Variants in SEMA6D observed in about 807,000 individuals in gnomAD.
The protein encoded by SEMA6D is semaphorin 6D, also known as semaphorin-6D.
Under a neutral mutation model 106.6 loss-of-function variants are expected in SEMA6D, and 35 were observed. The ratio of observed to expected loss-of-function variants is 0.33; its 90% CI spans 0.25 to 0.44. The LOEUF (loss-of-function observed/expected upper bound fraction) is 0.44, where lower values mean the gene tolerates loss of function less well. SEMA6D is among the 20% of genes least tolerant of loss of function. The probability of loss-of-function intolerance (pLI) is 1.00; values close to 1 mark genes in which losing one functional copy is unlikely to be tolerated. For synonymous variants in SEMA6D, 499 were observed against 487.7 expected (o/e 1.02, Z -0.31); for missense variants, 1,185 against 1,345.9 (o/e 0.88, Z 1.87).
intron 3 of SEMA6D, among the ~76,000 whole-genome samples, chr15:47,559,674 T>C (rs2046020297): frequency 6.6e-6 from 1 of 152,064 alleles, no homozygotes; most frequent in African/African-American, 2.4e-5. Context: ...AGTCCACATA[T>C]TCTGAATTGA....
At chr15:47,545,281 A>G (rs1243852784) in intron 3 of SEMA6D, among the ~76,000 whole-genome samples, 1 of 152,156 alleles carries the variant, frequency 6.6e-6, no homozygotes, top group Non-Finnish European at 1.5e-5. Context: ...AGGTAAATTA[A>G]AGTAGGCTGC....
rs140152881 is a variant in SEMA6D at position 47,341,868 on chromosome 15, C to T, written c.-238-70525C>T. ...AATAGTGAGCTCATTTTTAGTTTGCCTCCCACCCCTTTCCCTCCTTTCACC... is the reference window on the plus strand; with the variant it reads ...AATAGTGAGCTCATTTTTAGTTTGCTTCCCACCCCTTTCCCTCCTTTCACC... On this transcript the variant is annotated intron_variant, in intron 1 of 19. Transcript: ENST00000558014. Among the ~76,000 whole-genome samples the T allele has an allele frequency of 1.3e-3, 200 of 152,090 alleles. 2 individuals carry two copies. The highest frequency in any genetic ancestry group is 4.6e-3 in the African/African-American group (192 of 41,510).
At chr15:47,584,096 T>C (rs138980967) in intron 3 of SEMA6D, among the ~76,000 whole-genome samples, 3 of 152,322 alleles carry the variant, frequency 2.0e-5, no homozygotes, top group African/African-American at 7.2e-5. Flanking sequence ...CCACATGTGA[T>C]GCATGTTTGC....
At chr15:47,765,200 T>C (rs2082274458) in intron 13 of SEMA6D, 144 bp downstream of exon 13, 1 of 1,425,850 alleles carries the variant, frequency 7.0e-7, no homozygotes, top group African/African-American at 1.4e-5. Flanking sequence ...TTGAAATAAA[T>C]CTTGGGTTTG....
intron 3 of SEMA6D, among the ~76,000 whole-genome samples, chr15:47,517,498 T>C (rs2044426884): frequency 6.6e-6 from 1 of 152,162 alleles, no homozygotes; most frequent in Non-Finnish European, 1.5e-5. Context: ...TCAAGCTTCC[T>C]TTTTCATTTT....
chr15:47,218,135 T>G (rs553165415), intron 1 of SEMA6D, among the ~76,000 whole-genome samples: 6 of 152,294 alleles, frequency 3.9e-5, no homozygotes, highest in African/African-American at 1.4e-4. Flanking sequence ...TGTTATTGTT[T>G]GTTTTCATTG....
At chr15:47,592,063 A>G (rs891492880) in intron 3 of SEMA6D, among the ~76,000 whole-genome samples, 1 of 152,100 alleles carries the variant, frequency 6.6e-6, no homozygotes, top group Non-Finnish European at 1.5e-5. Context: ...TGGCATTCTT[A>G]TTGACATTTC....
intron 1 of SEMA6D, among the ~76,000 whole-genome samples, chr15:47,326,138 G>A (rs1217886913): frequency 6.6e-6 from 1 of 152,120 alleles, no homozygotes; most frequent in Admixed American, 6.5e-5. Flanking sequence ...CCATTACCGA[G>A]ACGGATTCTC....
intron 4 of SEMA6D, among the ~76,000 whole-genome samples, chr15:47,665,194 A>T (rs192696851): frequency 6.6e-6 from 1 of 152,320 alleles, no homozygotes; most frequent in Non-Finnish European, 1.5e-5. Context: ...GCTTGATATT[A>T]TCAGCCCTTG....
At chr15:47,232,356 T>TA (rs1478275188) in intron 1 of SEMA6D, among the ~76,000 whole-genome samples, 1 of 151,994 alleles carries the variant, frequency 6.6e-6, no homozygotes, top group Admixed American at 6.6e-5. Context: ...GGTTTTTATA[T>TA]ACCTGGGAGT....
chr15:47,718,809 C>T (rs889322443), intron 1 of SEMA6D: 2 of 152,248 alleles, frequency 1.3e-5, no homozygotes, highest in Non-Finnish European at 2.9e-5. Context: ...GAGAGGCGTT[C>T]TGCAGCCGGG....
At chr15:47,196,897 G>T (rs1894399857) in intron 1 of SEMA6D, among the ~76,000 whole-genome samples, 1 of 152,214 alleles carries the variant, frequency 6.6e-6, no homozygotes, top group East Asian at 1.9e-4. Flanking sequence ...GTCAGGTTGG[G>T]TTTGTGTGGC....
intron 1 of SEMA6D, among the ~76,000 whole-genome samples, chr15:47,222,463 A>T (rs1247143271): frequency 6.6e-6 from 1 of 152,152 alleles, no homozygotes; most frequent in Non-Finnish European, 1.5e-5. Context: ...CCCCTGGATA[A>T]AATTGTCTCC....
rs539613282 is a variant in SEMA6D, at chr15:47,663,880, A to G, written c.-55+62984A>G. ...GAGATGCAGAAGTTCAGCCCTAGAA[A>G]TGTAAAGTGGTTGCCCGTGGACACT... On this transcript the variant is annotated intron_variant, in intron 4 of 19. Coordinates refer to the SEMA6D transcript ENST00000558014. 3.3e-5 allele frequency among the ~76,000 whole-genome samples: 5 copies of G among 152,294 alleles called. No individual in the cohort carries two copies. In the South Asian group the frequency reaches 1.0e-3, roughly 32 times the overall value.
chr15:47,357,575 C>T (rs965889781), intron 1 of SEMA6D, among the ~76,000 whole-genome samples: 2 of 152,072 alleles, frequency 1.3e-5, no homozygotes, highest in Non-Finnish European at 2.9e-5. Context: ...CAGGAAACAT[C>T]CAGCACGGGA....
At chr15:47,517,758 C>T (rs751813518) in intron 3 of SEMA6D, among the ~76,000 whole-genome samples, 7 of 152,104 alleles carry the variant, frequency 4.6e-5, no homozygotes, top group Non-Finnish European at 7.3e-5. Context: ...GTTTCTGGGT[C>T]CTCACTCTGA....
chr15:47,418,007 G>A lies in SEMA6D; in HGVS notation c.-159+5535G>A, dbSNP rs1353976277. Among the ~76,000 whole-genome samples, 3 of 151,868 alleles carry A rather than the reference G, an allele frequency of 2.0e-5. No homozygotes were observed. In the East Asian group the frequency reaches 5.8e-4, roughly 29 times the overall value. On this transcript the variant is annotated intron_variant, in intron 2 of 19. Transcript: ENST00000558014. ...CATGGATAAATATATCTAAAATATA[G>A]CATTTATATATTTTATATGCCCATA... is the stretch of plus-strand genomic sequence containing the variant.
At chr15:47,328,728 C>T (rs1007196309) in intron 1 of SEMA6D, among the ~76,000 whole-genome samples, 1 of 152,194 alleles carries the variant, frequency 6.6e-6, no homozygotes, top group African/African-American at 2.4e-5. Context: ...CCAGTAGCCT[C>T]TTCATCCAAG....
At chr15:47,235,668 A>G (rs563716452) in intron 1 of SEMA6D, among the ~76,000 whole-genome samples, 22 of 152,084 alleles carry the variant, frequency 1.4e-4, no homozygotes, top group Non-Finnish European at 2.1e-4. Context: ...ATTCTGTTCC[A>G]TTGATCTATG....
Sources: gnomAD v4.1 joint callset for allele counts (sites outside exome capture counted in the v4.1 genomes callset) on GRCh38, gnomAD v4.1.1 for gene constraint, MANE v1.5 for transcripts, NCBI Gene and HGNC (gene_info 2026-07-23, HGNC 2026-07-21) for gene names.